The following ALPK1 variants were observed in gnomAD, a reference collection of about 807,000 sequenced individuals.
ALPK1 encodes the protein alpha kinase 1.
In ALPK1, 110 loss-of-function variants were observed where a neutral mutation model predicts 120.6. That is an observed-to-expected ratio of 0.91 (90% confidence interval 0.78 to 1.07). ALPK1 has a LOEUF of 1.07. Among genes scored for constraint, ALPK1 ranks in the 50% least tolerant of loss-of-function variants. The pLI is 0.00. For missense variants in ALPK1, 1,498 were observed against 1,483.9 expected (o/e 1.01, Z -0.16); for synonymous variants, 582 against 560.3 (o/e 1.04, Z -0.55).
At chr4:112,364,753 A>C (rs1263320879) in intron 2 of ALPK1, among the ~76,000 whole-genome samples, 1 of 152,184 alleles carries the variant, frequency 6.6e-6, no homozygotes, top group Non-Finnish European at 1.5e-5. Flanking sequence ...GATATCACAA[A>C]AAAAGAAAAC....
intron 2 of ALPK1, among the ~76,000 whole-genome samples, chr4:112,360,887 C>A (rs549806025): frequency 6.6e-6 from 1 of 152,156 alleles, no homozygotes; most frequent in African/African-American, 2.4e-5. Context: ...CTTTAAAGAT[C>A]TTCTATGTCT....
At chr4:112,392,807 C>T (rs1017054628) in intron 4 of ALPK1, among the ~76,000 whole-genome samples, 10 of 152,126 alleles carry the variant, frequency 6.6e-5, no homozygotes, top group African/African-American at 2.2e-4. Context: ...CTGGGATTGC[C>T]GGATTGAACC....
chr4:112,402,005 A>C (rs1035238022), intron 4 of ALPK1, among the ~76,000 whole-genome samples: 1 of 152,136 alleles, frequency 6.6e-6, no homozygotes, highest in Non-Finnish European at 1.5e-5. Flanking sequence ...GGAGCATGCT[A>C]TGTTTGGTCT....
At chr4:112,407,819 G>A (rs1285844892) in intron 4 of ALPK1, among the ~76,000 whole-genome samples, 1 of 152,088 alleles carries the variant, frequency 6.6e-6, no homozygotes, top group Non-Finnish European at 1.5e-5. Flanking sequence ...AGTAAGAATG[G>A]AGAGCAGTGC....
At chr4:112,304,717 G>T (rs1477315374) in intron 1 of ALPK1, among the ~76,000 whole-genome samples, 1 of 152,002 alleles carries the variant, frequency 6.6e-6, no homozygotes, top group East Asian at 1.9e-4. Context: ...TCACTCTGAT[G>T]GTAGTTTCTT....
At position 112,425,768 on chromosome 4, in the gene ALPK1, C is replaced by T. The variant is rs1452688987; in HGVS notation, c.622+17C>T. ...AAAAGCTGGGTACAATCATGTAAAA[C>T]TTGCATTTCTCAAGGCTCATTTACA... On this transcript the variant is annotated intron_variant, in intron 7 of 15. Coordinates refer to ENST00000650871, the MANE Select transcript of ALPK1 (RefSeq NM_025144.4). The T allele has an allele frequency of 2.5e-6, 4 of 1,599,722 alleles. No homozygotes were observed. Among genetic ancestry groups the T allele is most frequent in the Admixed American group, 1.7e-5 (1 of 59,606 alleles).
Position 112,425,711 on chromosome 4 carries a change from G to C in ALPK1, c.582G>C (p.Ser194=). 1 of 1,612,962 alleles carries C rather than the reference G, an allele frequency of 6.2e-7. No individual in the cohort carries two copies. Residue 194 remains serine (S), a synonymous_variant, in exon 7 of 16, where the codon TCG becomes TCC. Transcript: ENST00000650871. ...RNESDKVLVQ[S]VCIQIRGQIL... ...AAAGTGACAAGGTCCTGGTGCAGTCGGTCTGTATACAGATCAGAGGGCAGA... is the reference window on the plus strand; with the variant it reads ...AAAGTGACAAGGTCCTGGTGCAGTCCGTCTGTATACAGATCAGAGGGCAGA...
intron 2 of ALPK1, chr4:112,356,262 G>A: frequency 1.5e-6 from 2 of 1,320,900 alleles, no homozygotes; most frequent in East Asian, 2.3e-5. Flanking sequence ...AGCCCCGCGG[G>A]CACAGGCAAG....
chr4:112,343,993 G>T (rs1248158532), intron 2 of ALPK1, among the ~76,000 whole-genome samples: 1 of 152,168 alleles, frequency 6.6e-6, no homozygotes, highest in Non-Finnish European at 1.5e-5. Context: ...CACTGTAGTT[G>T]TATAGGATGA....
Position 112,429,254 on chromosome 4 carries a change from G to A in ALPK1, c.900+1G>A. 6.2e-7 allele frequency: 1 copy of A among 1,609,586 alleles called. No individual in the cohort carries two copies. Among genetic ancestry groups the A allele is most frequent in the Non-Finnish European group, 8.5e-7 (1 of 1,178,486 alleles). On this transcript the variant is annotated splice_donor_variant, in intron 10 of 15. Coordinates refer to ENST00000650871, the MANE Select transcript of ALPK1 (RefSeq NM_025144.4). LOFTEE classifies it high-confidence loss of function. Reference sequence around the variant, plus strand: ...GCCGCTCTTCGTGCTCACAGCTGTGGTAAACGAATGCAGCCGCTCCTCAAA... The same window carrying A: ...GCCGCTCTTCGTGCTCACAGCTGTGATAAACGAATGCAGCCGCTCCTCAAA...
chr4:112,357,658 G>T, intron 2 of ALPK1: 1 of 1,607,662 alleles, frequency 6.2e-7, no homozygotes. Context: ...GATCTGGGTG[G>T]GGATCATCCC....
At chr4:112,396,098 G>A (rs565183444) in intron 4 of ALPK1, among the ~76,000 whole-genome samples, 27 of 152,152 alleles carry the variant, frequency 1.8e-4, no homozygotes, top group Non-Finnish European at 3.2e-4. Context: ...TCCCATTTGT[G>A]TGTTGTAAAA....
Position 112,424,005 on chromosome 4 carries a change from T to TTA in ALPK1, c.535+2_535+3insTA. ...TAATAAGCAACAATGGAGCAACGGG[T>TTA]GAGTACTTTCATATCTTCACAATGA... On this transcript the variant is annotated splice_region_variant and intron_variant, in intron 6 of 15. Coordinates refer to ENST00000650871, the MANE Select transcript of ALPK1 (RefSeq NM_025144.4). 1 of 1,613,474 alleles carries TTA rather than the reference T, an allele frequency of 6.2e-7. No homozygotes were observed. Among genetic ancestry groups the TTA allele is most frequent in the Admixed American group, 1.7e-5 (1 of 60,008 alleles).
chr4:112,357,903 A>C, intron 2 of ALPK1: 1 of 1,139,280 alleles, frequency 8.8e-7, no homozygotes, highest in Non-Finnish European at 1.3e-6. Flanking sequence ...CCAGGAGCAA[A>C]GGCAGCTTCT....
chr4:112,400,043 G>A (rs1001046409), intron 4 of ALPK1, among the ~76,000 whole-genome samples: 5 of 152,114 alleles, frequency 3.3e-5, no homozygotes, highest in African/African-American at 1.2e-4. Flanking sequence ...ATTGTAAATA[G>A]TGCTGCAATA....
In ALPK1 at chr4:112,439,862, C is replaced by A. The variant is rs764845071; in HGVS notation, c.3528C>A (p.Val1176=). The stretch of plus-strand genomic sequence containing the variant: ...TTTCTAATCATAGAGATGTTGTGGT[C>A]GATTTACAAGGTATGTGAAACTGGG... The part of the protein sequence containing the change: ...YEFSNHRDVV[V]DLQGWVTGNG... The change falls in exon 14 of 16, where the codon GTC becomes GTA. Residue 1176 remains valine, a synonymous_variant. Coordinates refer to ENST00000650871, the MANE Select transcript of ALPK1 (RefSeq NM_025144.4). The A allele has an allele frequency of 1.4e-5, 23 of 1,603,308 alleles. No individual in the cohort carries two copies. The East Asian group carries it at 4.5e-4, about 31-fold the overall frequency.
At chr4:112,406,291 T>C (rs1003994380) in intron 4 of ALPK1, among the ~76,000 whole-genome samples, 2 of 152,206 alleles carry the variant, frequency 1.3e-5, no homozygotes, top group African/African-American at 4.8e-5. Context: ...TGGAATATTA[T>C]TCAACCTTAA....
chr4:112,349,958 G>C (rs1560648056), intron 2 of ALPK1, among the ~76,000 whole-genome samples: 1 of 152,130 alleles, frequency 6.6e-6, no homozygotes, highest in African/African-American at 2.4e-5. Context: ...CTATTACAGT[G>C]TCCTAGTAGC....
Position 112,438,546 on chromosome 4 carries a change from G to A in ALPK1, c.3251G>A (p.Arg1084Gln), listed in dbSNP as rs34677416. The A allele has an allele frequency of 0.013, 20,548 of 1,613,784 alleles. 156 individuals carry two copies. Among genetic ancestry groups the A allele is most frequent in the Non-Finnish European group, 0.015 (17,819 of 1,179,782 alleles). Residue 1084 changes from arginine to glutamine, a missense_variant, in exon 13 of 16, where the codon CGA becomes CAA. Coordinates refer to ENST00000650871, the MANE Select transcript of ALPK1 (RefSeq NM_025144.4). ...GLWHHFTDVE[R>Q]QMTAQHYVTE... ...TGGCACCACTTCACTGATGTGGAGC[G>A]ACAGATGACCGCACAGCACTATGTG... is the stretch of plus-strand genomic sequence containing the variant.
Sources: allele counts gnomAD v4.1 joint callset (sites outside exome capture counted in the v4.1 genomes callset), GRCh38; gene constraint gnomAD v4.1.1; transcripts MANE v1.5; gene names NCBI Gene and HGNC (gene_info 2026-07-23, HGNC 2026-07-21).